Variants in HPSE2 observed in about 807,000 individuals in gnomAD.
The protein encoded by HPSE2 is heparanase 2 (inactive).
In HPSE2, 38 loss-of-function variants were observed where a neutral mutation model predicts 60.5. That is an observed-to-expected ratio of 0.63 (90% CI 0.48 to 0.82). The LOEUF (loss-of-function observed/expected upper bound fraction) is 0.82, where lower values mean the gene tolerates loss of function less well. Among genes scored for constraint, HPSE2 ranks in the 40% least tolerant of loss-of-function variants. The pLI, the probability that HPSE2 is intolerant of heterozygous loss-of-function variation, is 0.00. For synonymous variants in HPSE2, 295 were observed against 293.2 expected, an observed-to-expected ratio of 1.01 and a Z score of -0.06; for missense variants, 713 against 740.4, an observed-to-expected ratio of 0.96 and a Z score of 0.43.
intron 3 of HPSE2, among the ~76,000 whole-genome samples, chr10:99,040,930 C>CA (rs1013328606): frequency 3.3e-5 from 5 of 151,720 alleles, no homozygotes; most frequent in East Asian, 3.9e-4. Flanking sequence ...ACGAAAAATA[C>CA]AAAAAAATTA....
In HPSE2 at chr10:98,797,371, T is replaced by C. The variant is rs1317669422; in HGVS notation, c.611-53315A>G. ...GCTGAAAACTGTATCAGTCTCTTAATAGCAAAATTGATCAAGAAAGAATTA... is the reference window on the plus strand; with the variant it reads ...GCTGAAAACTGTATCAGTCTCTTAACAGCAAAATTGATCAAGAAAGAATTA... On this transcript the variant is annotated intron_variant, in intron 3 of 11. Coordinates refer to ENST00000370552, the MANE Select transcript of HPSE2 (RefSeq NM_021828.5). Among the ~76,000 whole-genome samples the C allele has an allele frequency of 3.3e-5, 5 of 152,162 alleles. No homozygotes were observed. The East Asian group carries it at 7.7e-4, about 23-fold the overall frequency.
Position 98,936,298 on chromosome 10 carries a change from C to A in HPSE2, c.611-192242G>T, listed in dbSNP as rs532581659. Among the ~76,000 whole-genome samples the A allele has an allele frequency of 1.1e-4, 16 of 144,058 alleles. No individual in the cohort carries two copies. In the South Asian group the frequency reaches 3.2e-3, roughly 29 times the overall value. 94.5% of individuals were successfully genotyped at this position (144,058 alleles called of 152,430 possible). On this transcript the variant is annotated intron_variant, in intron 3 of 11. Transcript: ENST00000370552. ...TGGCTCCCTGGCTTCATCCCCCTTT[C>A]CACAGGAGTGGACTGTTCTCCTGTC...
rs540003933 is a variant in HPSE2, at chr10:98,938,492, A to C, written c.611-194436T>G. Among the ~76,000 whole-genome samples, 52 of 144,306 alleles carry C rather than the reference A, an allele frequency of 3.6e-4. 4 individuals carry two copies. Among genetic ancestry groups the C allele is most frequent in the Middle Eastern group, 7.2e-3 (2 of 278 alleles). 94.7% of individuals were successfully genotyped at this position (144,306 alleles called of 152,430 possible). On this transcript the variant is annotated intron_variant, in intron 3 of 11. Transcript: ENST00000370552. ...TCAACTGGAAGAAAGGTTATCAGTG[A>C]TGGAAGATGAAATGAATGAAATGAA... is the stretch of plus-strand genomic sequence containing the variant.
At chr10:99,069,974 T>C (rs866029613) in intron 3 of HPSE2, among the ~76,000 whole-genome samples, 4 of 152,092 alleles carry the variant, frequency 2.6e-5, no homozygotes, top group Admixed American at 6.6e-5. Flanking sequence ...TTGAGGAAAT[T>C]TGAGGAAAGA....
intron 3 of HPSE2, among the ~76,000 whole-genome samples, chr10:98,954,182 C>A (rs1189968294): frequency 5.9e-5 from 9 of 152,108 alleles, no homozygotes; most frequent in Non-Finnish European, 1.5e-5. Flanking sequence ...GTGGCGTATG[C>A]CTGTAGTCCC....
At chr10:99,296,902 A>C in the HPSE2 span, among the ~76,000 whole-genome samples, 1 of 152,180 alleles carries the variant, frequency 6.6e-6, no homozygotes, top group African/African-American at 2.4e-5. Context: ...TCTGGACAGC[A>C]GTTGGCAGGA....
chr10:98,723,773 T>C (rs1019603729), intron 4 of HPSE2, among the ~76,000 whole-genome samples: 13 of 152,210 alleles, frequency 8.5e-5, no homozygotes, highest in Non-Finnish European at 1.6e-4. Flanking sequence ...TAGTATTCTC[T>C]GATGATAGTT....
intron 6 of HPSE2, among the ~76,000 whole-genome samples, chr10:98,681,929 T>A (rs1013827534): frequency 6.6e-6 from 1 of 152,236 alleles, no homozygotes; most frequent in African/African-American, 2.4e-5. Context: ...ATACAGATGC[T>A]CCTTGACTTA....
intron 2 of HPSE2, among the ~76,000 whole-genome samples, chr10:99,173,647 G>A (rs868347918): frequency 1.3e-4 from 20 of 152,016 alleles, no homozygotes; most frequent in South Asian, 2.1e-4. Flanking sequence ...TAACCATCTC[G>A]AAATAACTGC....
intron 2 of HPSE2, among the ~76,000 whole-genome samples, chr10:99,209,882 G>A (rs1338487335): frequency 1.3e-5 from 2 of 152,070 alleles, no homozygotes; most frequent in Admixed American, 1.3e-4. Flanking sequence ...TGGAGACAGG[G>A]TTTCACCATA....
At chr10:98,692,649 G>A (rs543600756) in intron 6 of HPSE2, among the ~76,000 whole-genome samples, 1 of 152,050 alleles carries the variant, frequency 6.6e-6, no homozygotes, top group Non-Finnish European at 1.5e-5. Context: ...GGCGCCTGTA[G>A]TCCCAGCTAC....
chr10:98,795,033 A>C (rs1950746249), intron 3 of HPSE2, among the ~76,000 whole-genome samples: 1 of 139,276 alleles, frequency 7.2e-6, no homozygotes, highest in Non-Finnish European at 1.6e-5. Flanking sequence ...GGAAGGAAGG[A>C]AGGAAGGAAG....
chr10:98,551,227 G>A (rs1290717238), intron 9 of HPSE2, among the ~76,000 whole-genome samples: 1 of 152,130 alleles, frequency 6.6e-6, no homozygotes, highest in African/African-American at 2.4e-5. Flanking sequence ...AATCAGGAAA[G>A]TAAGACAACC....
intron 11 of HPSE2, among the ~76,000 whole-genome samples, chr10:98,470,273 A>C (rs1041104708): frequency 3.3e-5 from 5 of 152,250 alleles, no homozygotes; most frequent in Non-Finnish European, 7.3e-5. Flanking sequence ...AAAAGGGAAA[A>C]AAGATGTCTC....
chr10:99,173,868 G>A (rs1284533830), intron 2 of HPSE2, among the ~76,000 whole-genome samples: 1 of 149,180 alleles, frequency 6.7e-6, no homozygotes, highest in South Asian at 2.1e-4. Flanking sequence ...GCTTGAACTC[G>A]TGAGGCAGAG....
the HPSE2 span, among the ~76,000 whole-genome samples, chr10:99,260,041 T>C: frequency 6.6e-6 from 1 of 152,168 alleles, no homozygotes; most frequent in Non-Finnish European, 1.5e-5. Context: ...GCTCTAGGAA[T>C]TGCTTATTCA....
chr10:98,594,761 T>A (rs575626995), intron 9 of HPSE2, among the ~76,000 whole-genome samples: 93 of 152,334 alleles, frequency 6.1e-4, no homozygotes, highest in Non-Finnish European at 1.1e-3. Flanking sequence ...GCTGCAATGA[T>A]CATGGAAGGG....
intron 3 of HPSE2, among the ~76,000 whole-genome samples, chr10:98,829,859 C>A (rs1330721114): frequency 5.9e-5 from 9 of 151,874 alleles, no homozygotes; most frequent in African/African-American, 2.2e-4. Context: ...TATTTTCTTT[C>A]TTTTTAAAAT....
At chr10:99,062,142 G>T (rs1321690673) in intron 3 of HPSE2, among the ~76,000 whole-genome samples, 1 of 152,156 alleles carries the variant, frequency 6.6e-6, no homozygotes, top group Admixed American at 6.5e-5. Context: ...TCCTAGGGCA[G>T]TGTTCTATTT....
Sources: allele counts gnomAD v4.1 joint callset (sites outside exome capture counted in the v4.1 genomes callset), GRCh38; gene constraint gnomAD v4.1.1; transcripts MANE v1.5; gene names NCBI Gene and HGNC (gene_info 2026-07-23, HGNC 2026-07-21).